The following PSMB1 variants were observed in gnomAD, a reference collection of about 807,000 sequenced individuals.
The protein encoded by PSMB1 is proteasome 20S subunit beta 1.
In PSMB1, 7 loss-of-function variants were observed where a neutral mutation model predicts 25.4. That is an observed-to-expected ratio of 0.28 (90% CI 0.16 to 0.52). The LOEUF (loss-of-function observed/expected upper bound fraction) is 0.52, where lower values mean the gene tolerates loss of function less well. Among genes scored for constraint, PSMB1 ranks in the 20% least tolerant of loss-of-function variants. The pLI, the probability that PSMB1 is intolerant of heterozygous loss-of-function variation, is 0.97. For missense variants in PSMB1, 284 were observed against 302.2 expected (o/e 0.94, Z 0.45); for synonymous variants, 119 against 115.0 (o/e 1.03, Z -0.22).
intron 5 of PSMB1, among the ~76,000 whole-genome samples, chr6:170,536,968 T>A (rs773645886): frequency 3.3e-5 from 5 of 151,914 alleles, no homozygotes; most frequent in Non-Finnish European, 7.4e-5. Flanking sequence ...ACTACAGACA[T>A]AAAAGAGTTG....
chr6:170,535,900 CAGG>C (rs1217321249), intron 5 of PSMB1, among the ~76,000 whole-genome samples: 4 of 152,046 alleles, frequency 2.6e-5, no homozygotes, highest in Non-Finnish European at 5.9e-5. Context: ...AGTGGGGTGA[CAGG>C]AGATGAGGTC....
Position 170,535,419 on chromosome 6 carries a change from A to C in PSMB1, c.541-14T>G. ...CTTAAAACCAACCTGGTGGGACATG[A>C]AACTTGGGTGAGATGTCATGTGACA... On this transcript the variant is annotated splice_polypyrimidine_tract_variant and intron_variant, in intron 5 of 5. Transcript: ENST00000262193. The C allele has an allele frequency of 6.2e-7, 1 of 1,605,512 alleles. No individual in the cohort carries two copies. The highest frequency in any genetic ancestry group is 8.5e-7 in the Non-Finnish European group (1 of 1,174,094).
In PSMB1 at chr6:170,543,714, T is replaced by C. The variant is rs748620796; in HGVS notation, c.320A>G (p.Asn107Ser). Residue 107 changes from asparagine to serine, a missense_variant, in exon 4 of 6, where the codon AAT becomes AGT. Physicochemically the swap from Asn to Ser is conservative, Grantham distance 46. Coordinates refer to ENST00000262193, the MANE Select transcript of PSMB1 (RefSeq NM_002793.4). ...EARLKMYKHSNNKAMTTGAIA... is the reference protein window; with the variant it reads ...EARLKMYKHSSNKAMTTGAIA... ...TGCCCCCGTAGTCATGGCCTTATTATTGGAATGCTTATACATCTGCAATTA... is the reference window on the plus strand; with the variant it reads ...TGCCCCCGTAGTCATGGCCTTATTACTGGAATGCTTATACATCTGCAATTA... 14 of 1,610,310 alleles carry C rather than the reference T, an allele frequency of 8.7e-6. No individual in the cohort carries two copies. The highest frequency in any genetic ancestry group is 3.4e-5 in the Admixed American group (2 of 59,534).
intron 3 of PSMB1, among the ~76,000 whole-genome samples, 200 bp downstream of exon 3, chr6:170,545,903 G>C (rs1413166366): frequency 6.6e-6 from 1 of 152,160 alleles, no homozygotes; most frequent in East Asian, 1.9e-4. Context: ...TTAACAAATG[G>C]AATGTGCTGC....
intron 1 of PSMB1, among the ~76,000 whole-genome samples, chr6:170,551,005 C>A (rs531340821): frequency 2.6e-5 from 4 of 151,152 alleles, no homozygotes; most frequent in Non-Finnish European, 5.9e-5. Flanking sequence ...ATTAGCCAGG[C>A]GTGGTGGCAG....
chr6:170,547,881 C>CAAAAA (rs5881874), intron 2 of PSMB1, among the ~76,000 whole-genome samples: 4,513 of 112,744 alleles, frequency 0.04, 175 homozygotes, highest in South Asian at 0.074. Flanking sequence ...ACGTGTTTCA[C>CAAAAA]AAAAAAAAAA....
chr6:170,546,133 C>G lies in PSMB1; in HGVS notation c.273G>C (p.Thr91=), dbSNP rs139264881. The stretch of plus-strand genomic sequence containing the variant: ...GTCTTGCTTCAATAATCTTTGTCAG[C>G]GTAAGACAGTCTCCATGAAAACCGC... ...GCSGFHGDCL[T]LTKIIEARLK... is the part of the protein sequence containing the mutation. Residue 91 remains threonine (T), a synonymous_variant, in exon 3 of 6, where the codon ACG becomes ACC. Coordinates refer to ENST00000262193, the MANE Select transcript of PSMB1 (RefSeq NM_002793.4). The G allele has an allele frequency of 1.2e-6, 2 of 1,613,804 alleles. No individual in the cohort carries two copies. Among genetic ancestry groups the G allele is most frequent in the Non-Finnish European group, 1.7e-6 (2 of 1,179,858 alleles).
intron 4 of PSMB1, among the ~76,000 whole-genome samples, chr6:170,540,261 C>T (rs1297707151): frequency 1.3e-5 from 2 of 152,252 alleles, no homozygotes; most frequent in African/African-American, 4.8e-5. Flanking sequence ...AAGGAAGTCT[C>T]CTGAGACATT....
chr6:170,553,096 G>GAA (rs1233295756), intron 1 of PSMB1, 34 bp downstream of exon 1: 1 of 1,543,754 alleles, frequency 6.5e-7, no homozygotes, highest in East Asian at 2.4e-5. Flanking sequence ...GGGGAAGGGC[G>GAA]AAAGTGAAAG....
At chr6:170,545,865 T>G (rs897234223) in intron 3 of PSMB1, among the ~76,000 whole-genome samples, 3 of 152,190 alleles carry the variant, frequency 2.0e-5, no homozygotes, top group African/African-American at 7.2e-5. Context: ...TCTAAAAGGG[T>G]AGAGAACCCT....
chr6:170,539,606 T>TA (rs1385220925), intron 4 of PSMB1, among the ~76,000 whole-genome samples: 1 of 152,216 alleles, frequency 6.6e-6, no homozygotes, highest in African/African-American at 2.4e-5. Context: ...CAAAATGTGT[T>TA]AATTCTAATA....
chr6:170,538,302 T>C (rs577863194), intron 4 of PSMB1, among the ~76,000 whole-genome samples: 3 of 152,266 alleles, frequency 2.0e-5, no homozygotes, highest in Admixed American at 2.0e-4. Flanking sequence ...AGAAAACACA[T>C]TATATACCAG....
intron 3 of PSMB1, among the ~76,000 whole-genome samples, chr6:170,545,812 G>A (rs1778809848): frequency 6.6e-6 from 1 of 152,088 alleles, no homozygotes; most frequent in African/African-American, 2.4e-5. Context: ...CTTTGTTTTT[G>A]AGGGAAGAGT....
At chr6:170,544,862 G>A (rs992106658) in intron 3 of PSMB1, among the ~76,000 whole-genome samples, 7 of 152,090 alleles carry the variant, frequency 4.6e-5, no homozygotes, top group East Asian at 1.9e-4. Context: ...TTCATAGGCC[G>A]GGCACAGTGG....
intron 1 of PSMB1, chr6:170,549,344 G>A (rs951236975): frequency 6.5e-6 from 3 of 458,134 alleles, no homozygotes; most frequent in Admixed American, 7.7e-5. Flanking sequence ...CTTGGCAGGA[G>A]TTAACAGAAA....
At chr6:170,535,480 A>C in intron 5 of PSMB1, 75 bp from the exon 6 acceptor site, 1 of 1,255,938 alleles carries the variant, frequency 8.0e-7, no homozygotes, top group Non-Finnish European at 1.1e-6. Flanking sequence ...TTCTTCCAAT[A>C]CCCTCATGTG....
intron 4 of PSMB1, 33 bp downstream of exon 4, chr6:170,543,565 TCCC>T (rs60508978): frequency 1.9e-6 from 3 of 1,561,650 alleles, no homozygotes; most frequent in Middle Eastern, 1.7e-4. Context: ...TAATAACTCC[TCCC>T]CCCCACCATT....
intron 4 of PSMB1, among the ~76,000 whole-genome samples, chr6:170,537,880 T>C (rs1394214173): frequency 2.0e-5 from 3 of 152,140 alleles, no homozygotes; most frequent in Non-Finnish European, 2.9e-5. Context: ...TGTAAGAAAG[T>C]CTTTATTTCT....
At chr6:170,536,451 G>C (rs1221562326) in intron 5 of PSMB1, 1 of 456,672 alleles carries the variant, frequency 2.2e-6, no homozygotes, top group Non-Finnish European at 4.4e-6. Flanking sequence ...TGCTCCCCAA[G>C]AAGCAGGGAA....
Sources: gnomAD v4.1 joint callset for allele counts (sites outside exome capture counted in the v4.1 genomes callset) on GRCh38, gnomAD v4.1.1 for gene constraint, MANE v1.5 for transcripts, NCBI Gene and HGNC (gene_info 2026-07-23, HGNC 2026-07-21) for gene names.